MEIS2: variants seen among roughly 807,000 people sequenced by gnomAD.
MEIS2 encodes the protein Meis homeobox 2.
A neutral mutation model predicts 58.6 loss-of-function variants in MEIS2; 9 were observed. The ratio of observed to expected loss-of-function variants is 0.15; its 90% CI spans 0.09 to 0.27. The LOEUF is 0.27. MEIS2 is among the 10% of genes least tolerant of loss of function. MEIS2 has a pLI of 1.00. For missense variants in MEIS2, 427 were observed against 635.0 expected, an observed-to-expected ratio of 0.67 and a Z score of 3.52; for synonymous variants, 221 against 228.4, an observed-to-expected ratio of 0.97 and a Z score of 0.29.
chr15:36,986,823 C>T (rs2060108042), intron 8 of MEIS2, among the ~76,000 whole-genome samples: 1 of 152,152 alleles, frequency 6.6e-6, no homozygotes, highest in African/African-American at 2.4e-5. Context: ...TACTAATGTC[C>T]CTTTCACCAA....
intron 8 of MEIS2, among the ~76,000 whole-genome samples, chr15:36,977,944 T>C (rs1276061417): frequency 5.3e-5 from 8 of 152,192 alleles, no homozygotes; most frequent in Admixed American, 6.5e-5. Flanking sequence ...CAAAATACCC[T>C]GCTTAGGATC....
chr15:36,982,694 T>C (rs1429222584), intron 8 of MEIS2, among the ~76,000 whole-genome samples: 1 of 152,164 alleles, frequency 6.6e-6, no homozygotes, highest in Non-Finnish European at 1.5e-5. Flanking sequence ...TATCACATGA[T>C]AGTTCTATTT....
intron 7 of MEIS2, among the ~76,000 whole-genome samples, chr15:37,061,502 A>G (rs1567242201): frequency 6.6e-6 from 1 of 152,326 alleles, no homozygotes; most frequent in East Asian, 1.9e-4. Context: ...TCACCAAACT[A>G]CTAAGATGAG....
chr15:36,898,389 A>T (rs898441189), intron 9 of MEIS2: 1 of 152,264 alleles, frequency 6.6e-6, no homozygotes, highest in African/African-American at 2.4e-5. Flanking sequence ...GATGCTCAGG[A>T]GGGTCAGAGA....
At chr15:37,039,167 C>T (rs946884466) in intron 7 of MEIS2, among the ~76,000 whole-genome samples, 2 of 152,296 alleles carry the variant, frequency 1.3e-5, no homozygotes, top group African/African-American at 4.8e-5. Context: ...AGTTTGAAGT[C>T]AGTCAGTCTG....
In MEIS2 at chr15:36,895,020, G is replaced by T. The variant is rs980715581; in HGVS notation, c.1147+131C>A. 5.3e-6 allele frequency: 5 copies of T among 940,088 alleles called. No individual in the cohort carries two copies. The African/African-American group carries it at 8.3e-5, about 16-fold the overall frequency. 58.2% of individuals were successfully genotyped at this position (940,088 alleles called of 1,614,324 possible). A position where few individuals can be genotyped will look rare whatever the true frequency, so the allele number is the denominator to read the frequency against. On this transcript the variant is annotated intron_variant, in intron 11 of 11. Coordinates refer to ENST00000561208, the MANE Select transcript of MEIS2 (RefSeq NM_170675.5). ...AATTTTTTCCCCCACCCAATGTAAAGAAAGCAGGCAGAGCAGGCAGCAGGC... is the reference window on the plus strand; with the variant it reads ...AATTTTTTCCCCCACCCAATGTAAATAAAGCAGGCAGAGCAGGCAGCAGGC...
intron 6 of MEIS2, among the ~76,000 whole-genome samples, chr15:37,089,112 G>A (rs1243711698): frequency 1.3e-5 from 2 of 151,984 alleles, no homozygotes; most frequent in Non-Finnish European, 2.9e-5. Context: ...GAAAATCCAC[G>A]CACCCAGCCA....
chr15:36,983,462 T>A (rs1034830543), intron 8 of MEIS2, among the ~76,000 whole-genome samples: 2 of 152,100 alleles, frequency 1.3e-5, no homozygotes, highest in African/African-American at 4.8e-5. Context: ...TGTAAGTGCA[T>A]AGATTTATTT....
intron 6 of MEIS2, among the ~76,000 whole-genome samples, chr15:37,090,719 A>G (rs1375687062): frequency 2.0e-5 from 3 of 152,148 alleles, no homozygotes; most frequent in African/African-American, 7.2e-5. Flanking sequence ...ACTTAATAAG[A>G]GTAGAGGTGT....
intron 6 of MEIS2, among the ~76,000 whole-genome samples, chr15:37,092,487 G>A (rs755151160): frequency 6.6e-5 from 10 of 151,956 alleles, no homozygotes; most frequent in East Asian, 1.9e-4. Flanking sequence ...CGGCCACAAA[G>A]TTATTAAACT....
At chr15:37,011,650 C>T (rs2061163418) in intron 8 of MEIS2, among the ~76,000 whole-genome samples, 1 of 105,090 alleles carries the variant, frequency 9.5e-6, no homozygotes, top group Non-Finnish European at 1.7e-5. Context: ...GATGGAGTCT[C>T]ATTCTGTCAC....
intron 7 of MEIS2, among the ~76,000 whole-genome samples, chr15:37,051,460 T>C (rs1221412948): frequency 6.6e-6 from 1 of 152,122 alleles, no homozygotes; most frequent in East Asian, 1.9e-4. Flanking sequence ...TGAGGACATA[T>C]ATAGAGGGAG....
chr15:36,910,110 G>A (rs552849422), intron 9 of MEIS2, among the ~76,000 whole-genome samples: 1 of 152,262 alleles, frequency 6.6e-6, no homozygotes, highest in South Asian at 2.1e-4. Context: ...GGAGGCTGAT[G>A]TGGGAGGATC....
At chr15:37,082,365 T>C (rs922709302) in intron 7 of MEIS2, among the ~76,000 whole-genome samples, 1 of 152,160 alleles carries the variant, frequency 6.6e-6, no homozygotes, top group African/African-American at 2.4e-5. Flanking sequence ...GTATTTTGTT[T>C]TTATTAATAG....
In MEIS2 at chr15:36,892,190, C is replaced by T. The variant is rs575475928; in HGVS notation, c.1417G>A (p.Asp473Asn). ...CCCTTATACTATTGGGCATGAATGT[C>T]CATAACCTGTCCGCCAACATTGGGA... ...VDPNVGGQVMDIHAQ is the reference protein window; with the variant it reads ...VDPNVGGQVMNIHAQ The change falls in exon 12 of 12, where the codon GAC (aspartate) becomes AAC (asparagine). Residue 473 changes from aspartate (D) to asparagine (N), a missense_variant. Physicochemically the swap from Asp to Asn is conservative, Grantham distance 23 (BLOSUM62 1). Around this residue, in one of 6 missense-constraint regions of MEIS2, gnomAD observed 154 missense variants for 148.1 expected, o/e 1.04. Transcript: ENST00000561208. 1 of 1,614,154 alleles carries T rather than the reference C, an allele frequency of 6.2e-7. No individual in the cohort carries two copies. Among genetic ancestry groups the T allele is most frequent in the South Asian group, 1.1e-5 (1 of 91,086 alleles).
chr15:36,932,079 TA>T (rs1440721907), intron 9 of MEIS2, among the ~76,000 whole-genome samples: 1 of 152,232 alleles, frequency 6.6e-6, no homozygotes. Context: ...ACATATACTA[TA>T]TTTTTTTTAA....
intron 8 of MEIS2, among the ~76,000 whole-genome samples, chr15:36,988,152 G>A (rs1164875560): frequency 6.6e-6 from 1 of 152,120 alleles, no homozygotes; most frequent in Non-Finnish European, 1.5e-5. Context: ...AATAAGAAAA[G>A]AAAGGCAACT....
rs954778031 is a variant in MEIS2 at position 36,954,195 on chromosome 15, G to A, written c.901-3795C>T. Among the ~76,000 whole-genome samples, 4 of 151,880 alleles carry A rather than the reference G, an allele frequency of 2.6e-5. No homozygotes were observed. In the South Asian group the frequency reaches 8.3e-4, roughly 31 times the overall value. On this transcript the variant is annotated intron_variant, in intron 8 of 11. Coordinates refer to ENST00000561208, the MANE Select transcript of MEIS2 (RefSeq NM_170675.5). ...ATAAAATGTGAGGTTCTCATGAAAA[G>A]GTTGTCCCCATATATTATTGAGTAA... is the stretch of plus-strand genomic sequence containing the variant.
intron 9 of MEIS2, among the ~76,000 whole-genome samples, chr15:36,945,312 T>C (rs983278147): frequency 2.0e-5 from 3 of 152,056 alleles, no homozygotes; most frequent in African/African-American, 7.2e-5. Flanking sequence ...AATGATTGCT[T>C]TCCTTAGGCT....
Sources: allele counts gnomAD v4.1 joint callset (sites outside exome capture counted in the v4.1 genomes callset), GRCh38; gene constraint gnomAD v4.1.1; regional missense constraint gnomAD v4.1.1; transcripts MANE v1.5; gene names NCBI Gene and HGNC (gene_info 2026-07-23, HGNC 2026-07-21).